Variants in KCNG2 observed in about 807,000 individuals in gnomAD.
KCNG2 encodes the protein potassium voltage-gated channel modifier subfamily G member 2, also known as voltage-gated potassium channel regulatory subunit KCNG2.
Under a neutral mutation model 12.3 loss-of-function variants are expected in KCNG2, and 7 were observed. That is an observed-to-expected ratio of 0.57 (90% CI 0.32 to 1.07). The LOEUF (loss-of-function observed/expected upper bound fraction) is 1.07. KCNG2 is among the 50% of genes least tolerant of loss of function. The pLI, the probability that KCNG2 is intolerant of heterozygous loss-of-function variation, is 0.04. For missense variants in KCNG2, 703 were observed against 726.0 expected (o/e 0.97, Z 0.36); for synonymous variants, 414 against 351.4 (o/e 1.18, Z -1.99).
intron 3 of KCNG2, among the ~76,000 whole-genome samples, chr18:79,869,623 A>C (rs572516662): frequency 3.4e-4 from 52 of 152,228 alleles, no homozygotes; most frequent in African/African-American, 1.1e-3. Flanking sequence ...TTCCCAGGAG[A>C]GAAAATCCGT....
rs2087577626 is a variant in KCNG2 at position 79,822,376 on chromosome 18, C to T, written c.-115+24362C>T. ...CAGGGCCCCTCACCATCGTTCCCATCATCCGTCTGTAATAGCTCTCCAGTT... is the reference window on the plus strand; with the variant it reads ...CAGGGCCCCTCACCATCGTTCCCATTATCCGTCTGTAATAGCTCTCCAGTT... On this transcript the variant is annotated intron_variant, in intron 1 of 3. Transcript: ENST00000316249. The surrounding 1 kb of genome is among the most constrained non-coding windows in gnomAD (Gnocchi z 4.4). Among the ~76,000 whole-genome samples the T allele has an allele frequency of 6.6e-6, 1 of 152,292 alleles. No homozygotes were observed.
intron 1 of KCNG2, among the ~76,000 whole-genome samples, chr18:79,820,284 G>C (rs2087561422): frequency 2.0e-5 from 3 of 152,204 alleles, no homozygotes; most frequent in Non-Finnish European, 4.4e-5. Flanking sequence ...CATGTATCCT[G>C]TTTGAGTTCC....
At chr18:79,830,568 A>G (rs1599378051) in intron 1 of KCNG2, among the ~76,000 whole-genome samples, 3 of 152,388 alleles carry the variant, frequency 2.0e-5, no homozygotes, top group African/African-American at 4.8e-5. Context: ...GCCTTTGGCC[A>G]TGGGTCCCTC....
intron 3 of KCNG2, among the ~76,000 whole-genome samples, chr18:79,872,887 G>A (rs1028409671): frequency 2.6e-5 from 4 of 152,184 alleles, no homozygotes; most frequent in African/African-American, 9.6e-5. Flanking sequence ...GCAAACGAGG[G>A]AAGCGAAGCC....
intron 1 of KCNG2, among the ~76,000 whole-genome samples, chr18:79,819,400 G>A (rs573958631): frequency 6.6e-6 from 1 of 152,354 alleles, no homozygotes; most frequent in African/African-American, 2.4e-5. Flanking sequence ...GGGTCTCTAG[G>A]GAGAGCTGTT....
In KCNG2 at chr18:79,813,342, G is replaced by T. The variant is rs185473311; in HGVS notation, c.-115+15328G>T. The stretch of plus-strand genomic sequence containing the variant: ...GGTTCAACATTCTGAGTCAAACACT[G>T]TACTCCACCATATCAACAGAAGAGA... On this transcript the variant is annotated intron_variant, in intron 1 of 3. Transcript: ENST00000316249. 2.7e-4 allele frequency among the ~76,000 whole-genome samples: 41 copies of T among 152,288 alleles called. No homozygotes were observed. In the East Asian group the frequency reaches 6.7e-3, roughly 25 times the overall value.
At chr18:79,819,988 C>T (rs1373813742) in intron 1 of KCNG2, among the ~76,000 whole-genome samples, 19 of 152,230 alleles carry the variant, frequency 1.2e-4, no homozygotes, top group Admixed American at 1.0e-3. Context: ...CTCAGCATAA[C>T]GCTCTCCAGC....
At chr18:79,885,400 C>T (rs1018916203) in intron 3 of KCNG2, among the ~76,000 whole-genome samples, 3 of 152,128 alleles carry the variant, frequency 2.0e-5, no homozygotes, top group African/African-American at 7.2e-5. Flanking sequence ...GTTCCGGAAA[C>T]GTGCCCGCCG....
rs2123067212 is a variant in KCNG2 at position 79,863,795 on chromosome 18, T to A, written c.128T>A (p.Leu43Gln). The A allele has an allele frequency of 1.5e-6, 2 of 1,305,406 alleles. No homozygotes were observed. Among genetic ancestry groups the A allele is most frequent in the South Asian group, 1.8e-5 (1 of 56,944 alleles). The allele number at this position is 1,305,406 out of a possible 1,614,324, so 80.9% of individuals were successfully genotyped here. A position where few individuals can be genotyped will look rare whatever the true frequency, so the allele number is the denominator to read the frequency against. The part of the protein sequence containing the change: ...AALARCPLAR[L>Q]ERLRACRGHD... ...CTGGCGCGATGCCCCCTCGCGCGCC[T>A]GGAGCGCCTGCGCGCCTGCCGCGGC... The change falls in exon 3 of 4, where the codon CTG becomes CAG. Residue 43 changes from leucine to glutamine, a missense_variant. By Grantham distance (113) the Leu-to-Gln change is moderately radical. Transcript: ENST00000316249.
chr18:79,852,717 A>T (rs949893691), intron 1 of KCNG2, among the ~76,000 whole-genome samples: 14 of 152,258 alleles, frequency 9.2e-5, no homozygotes, highest in African/African-American at 3.4e-4. Context: ...GAAGCCACCG[A>T]CGGGGAATGA....
intron 1 of KCNG2, among the ~76,000 whole-genome samples, chr18:79,823,789 C>T (rs911628132): frequency 1.3e-5 from 2 of 152,122 alleles, no homozygotes; most frequent in African/African-American, 4.8e-5. Context: ...ATAGCTTACC[C>T]TGTTTTACTG....
At chr18:79,882,383 GT>G (rs1224968334) in intron 3 of KCNG2, among the ~76,000 whole-genome samples, 1 of 137,852 alleles carries the variant, frequency 7.3e-6, no homozygotes, top group Non-Finnish European at 1.6e-5. Context: ...ACAAAAGACT[GT>G]TAAGAGAATG....
intron 2 of KCNG2, among the ~76,000 whole-genome samples, chr18:79,859,776 G>A (rs147247271): frequency 1.8e-4 from 28 of 152,234 alleles, no homozygotes; most frequent in Non-Finnish European, 3.5e-4. Flanking sequence ...GTGAACTGAC[G>A]GTAGATTTAT....
At chr18:79,843,004 C>T (rs575240397) in intron 1 of KCNG2, among the ~76,000 whole-genome samples, 4 of 152,050 alleles carry the variant, frequency 2.6e-5, no homozygotes, top group Admixed American at 6.6e-5. Context: ...CCATGAAGCC[C>T]AAAGAACCCC....
intron 1 of KCNG2, among the ~76,000 whole-genome samples, 81 bp downstream of exon 1, chr18:79,798,095 G>A (rs959934315): frequency 6.6e-6 from 1 of 151,876 alleles, no homozygotes; most frequent in Non-Finnish European, 1.5e-5. Context: ...GTGGGGCGGG[G>A]GGCGCGGGCT....
chr18:79,817,945 G>A (rs2087542314), intron 1 of KCNG2, among the ~76,000 whole-genome samples: 1 of 152,208 alleles, frequency 6.6e-6, no homozygotes, highest in African/African-American at 2.4e-5. Context: ...CTTTCCTGAG[G>A]TGCATGGGTG....
chr18:79,896,011 G>T (rs915792513), intron 3 of KCNG2, among the ~76,000 whole-genome samples: 1 of 152,172 alleles, frequency 6.6e-6, no homozygotes, highest in South Asian at 2.1e-4. Flanking sequence ...TGTTGCCCAG[G>T]TTGGAGTGCA....
At chr18:79,872,287 T>TTG (rs1555695120) in intron 3 of KCNG2, among the ~76,000 whole-genome samples, 1 of 113,506 alleles carries the variant, frequency 8.8e-6, no homozygotes, top group Non-Finnish European at 1.8e-5. Context: ...TCAGTTTTTT[T>TTG]TTTTTTTTTT....
At chr18:79,895,515 TTG>T (rs1310449414) in intron 3 of KCNG2, among the ~76,000 whole-genome samples, 2 of 151,440 alleles carry the variant, frequency 1.3e-5, no homozygotes, top group African/African-American at 4.9e-5. Context: ...ATAGTTGGGT[TTG>T]TGTCTGCTTT....
Sources: allele counts gnomAD v4.1 joint callset (sites outside exome capture counted in the v4.1 genomes callset), GRCh38; gene constraint gnomAD v4.1.1; non-coding constraint Gnocchi (gnomAD v3.1); transcripts MANE v1.5; gene names NCBI Gene and HGNC (gene_info 2026-07-23, HGNC 2026-07-21).